Variants in NXPH1 observed in about 807,000 individuals in gnomAD.
The protein encoded by NXPH1 is neurexophilin-1.
NXPH1 carries 5 observed loss-of-function variants against 23.7 expected under a neutral mutation model. That is an observed-to-expected ratio of 0.21 (90% CI 0.11 to 0.44). The LOEUF (loss-of-function observed/expected upper bound fraction) is 0.44, where lower values mean the gene tolerates loss of function less well. Ranked by LOEUF, NXPH1 falls within the 20% of genes least tolerant of loss-of-function variation. NXPH1 has a pLI of 0.99. For synonymous variants in NXPH1, 144 were observed against 122.2 expected (o/e 1.18, Z -1.18); for missense variants, 324 against 321.6 (o/e 1.01, Z -0.06).
chr7:8,562,477 A>G (rs890795421), intron 2 of NXPH1, among the ~76,000 whole-genome samples: 3 of 151,394 alleles, frequency 2.0e-5, no homozygotes, highest in Non-Finnish European at 4.4e-5. Flanking sequence ...CTTTTCCTCT[A>G]TAACTCTGAA....
rs192169592 is a variant in NXPH1, at chr7:8,655,254, A to G, written c.55-95754A>G. 6.7e-4 allele frequency among the ~76,000 whole-genome samples: 102 copies of G among 152,138 alleles called. 1 individual carries two copies. The highest frequency in any genetic ancestry group is 2.3e-3 in the African/African-American group (97 of 41,506). ...ACAAAAATTAGCTGGCCGTGGTGGC[A>G]TGTGTCCATAGTCTTAGCTACTTGG... On this transcript the variant is annotated intron_variant, in intron 2 of 2. Transcript: ENST00000405863.
chr7:8,506,405 C>G (rs1484439594), intron 2 of NXPH1, among the ~76,000 whole-genome samples: 1 of 152,010 alleles, frequency 6.6e-6, no homozygotes, highest in Non-Finnish European at 1.5e-5. Context: ...TTAATATTTC[C>G]TTTATAGGAT....
intron 2 of NXPH1, among the ~76,000 whole-genome samples, chr7:8,524,241 C>T (rs1465577918): frequency 2.7e-5 from 2 of 73,718 alleles, no homozygotes; most frequent in East Asian, 8.2e-4. Context: ...GACTCTGTCT[C>T]AAAAAAAAAA....
intron 2 of NXPH1, among the ~76,000 whole-genome samples, chr7:8,552,057 A>C (rs919350384): frequency 1.9e-4 from 28 of 149,994 alleles, no homozygotes; most frequent in Non-Finnish European, 2.7e-4. Context: ...AATCTTCCCA[A>C]GTCTAAGAAC....
chr7:8,712,176 G>A (rs369342407), intron 2 of NXPH1, among the ~76,000 whole-genome samples: 13 of 152,142 alleles, frequency 8.5e-5, no homozygotes, highest in East Asian at 3.8e-4. Context: ...GATCAAAAAC[G>A]AACACAAGTA....
At chr7:8,618,365 C>A (rs902125951) in intron 2 of NXPH1, among the ~76,000 whole-genome samples, 3 of 152,136 alleles carry the variant, frequency 2.0e-5, no homozygotes, top group Non-Finnish European at 4.4e-5. Flanking sequence ...GAGCTGGCTT[C>A]ATCAAAATAG....
chr7:8,629,215 A>G (rs1820067968), intron 2 of NXPH1, among the ~76,000 whole-genome samples: 1 of 152,116 alleles, frequency 6.6e-6, no homozygotes, highest in Non-Finnish European at 1.5e-5. Context: ...TCCAATATGT[A>G]AACACAAATA....
intron 2 of NXPH1, among the ~76,000 whole-genome samples, chr7:8,457,252 G>A (rs989927179): frequency 2.0e-5 from 3 of 152,110 alleles, no homozygotes; most frequent in African/African-American, 2.4e-5. Context: ...CTGACACAAG[G>A]GAAATAAATG....
intron 2 of NXPH1, among the ~76,000 whole-genome samples, chr7:8,642,847 T>C (rs1017045472): frequency 6.6e-6 from 1 of 151,818 alleles, no homozygotes; most frequent in Admixed American, 6.6e-5. Flanking sequence ...TCTGGGCATA[T>C]ACTTTTTTTT....
At chr7:8,569,397 A>G (rs1309898996) in intron 2 of NXPH1, among the ~76,000 whole-genome samples, 2 of 151,976 alleles carry the variant, frequency 1.3e-5, no homozygotes, top group Non-Finnish European at 2.9e-5. Context: ...AAGGAAAAAT[A>G]GACAAGTATT....
intron 2 of NXPH1, among the ~76,000 whole-genome samples, chr7:8,481,234 C>T (rs112163038): frequency 1.3e-5 from 2 of 152,168 alleles, no homozygotes; most frequent in Non-Finnish European, 2.9e-5. Context: ...GAAGAAGCTG[C>T]ATCATGAATA....
intron 2 of NXPH1, among the ~76,000 whole-genome samples, chr7:8,702,234 C>T (rs1002434499): frequency 6.6e-6 from 1 of 152,080 alleles, no homozygotes. Flanking sequence ...GGCTCTATCA[C>T]CTCAAACTTT....
chr7:8,727,867 C>A (rs974151739), intron 2 of NXPH1, among the ~76,000 whole-genome samples: 1 of 151,896 alleles, frequency 6.6e-6, no homozygotes, highest in African/African-American at 2.4e-5. Context: ...TTTTCCAATT[C>A]TGTGAAGAAA....
chr7:8,612,237 T>G (rs943683096), intron 2 of NXPH1, among the ~76,000 whole-genome samples: 1 of 151,500 alleles, frequency 6.6e-6, no homozygotes, highest in Admixed American at 6.6e-5. Flanking sequence ...TTTTACATTC[T>G]CCCCTTCCTT....
chr7:8,637,002 C>G (rs1222043325), intron 2 of NXPH1, among the ~76,000 whole-genome samples: 1 of 152,078 alleles, frequency 6.6e-6, no homozygotes, highest in African/African-American at 2.4e-5. Flanking sequence ...AGCAGCCTAG[C>G]TTCATCTCCT....
At chr7:8,462,513 G>A (rs898625434) in intron 2 of NXPH1, among the ~76,000 whole-genome samples, 2 of 152,198 alleles carry the variant, frequency 1.3e-5, no homozygotes, top group Non-Finnish European at 2.9e-5. Flanking sequence ...AGGTCAAATA[G>A]CTTCCCACAG....
At chr7:8,652,745 T>C (rs1362208264) in intron 2 of NXPH1, among the ~76,000 whole-genome samples, 2 of 152,176 alleles carry the variant, frequency 1.3e-5, no homozygotes, top group Non-Finnish European at 2.9e-5. Context: ...TCTTAGGTTG[T>C]TGTCCAGAGG....
chr7:8,608,003 G>C (rs1331599930), intron 2 of NXPH1, among the ~76,000 whole-genome samples: 3 of 152,238 alleles, frequency 2.0e-5, no homozygotes, highest in Admixed American at 2.0e-4. Flanking sequence ...CCAAGGATTG[G>C]TGGTGACCAC....
chr7:8,594,207 G>A (rs761585793), intron 2 of NXPH1, among the ~76,000 whole-genome samples: 7 of 152,180 alleles, frequency 4.6e-5, no homozygotes, highest in Non-Finnish European at 7.4e-5. Flanking sequence ...GAAATGACAC[G>A]CATACAAGCT....
Sources: allele counts gnomAD v4.1 joint callset (sites outside exome capture counted in the v4.1 genomes callset), GRCh38; gene constraint gnomAD v4.1.1; transcripts MANE v1.5; gene names NCBI Gene and HGNC (gene_info 2026-07-23, HGNC 2026-07-21).